COTL1: variants seen among roughly 807,000 people sequenced by gnomAD.
COTL1 encodes coactosin-like protein.
COTL1 carries 15 observed loss-of-function variants against 16.5 expected under a neutral mutation model. The observed-to-expected ratio is 0.91, with a 90% confidence interval of 0.61 to 1.40. COTL1 has a LOEUF of 1.40. Ranked by LOEUF, COTL1 falls within the 40% of genes most tolerant of loss-of-function variation. The pLI is 0.00. For synonymous variants in COTL1, 112 were observed against 85.3 expected (o/e 1.31, Z -1.73); for missense variants, 220 against 201.5 (o/e 1.09, Z -0.56).
At chr16:84,603,182 C>T (rs1905136088) in intron 2 of COTL1, among the ~76,000 whole-genome samples, 2 of 152,206 alleles carry the variant, frequency 1.3e-5, no homozygotes, top group South Asian at 4.1e-4. Context: ...GCCAGTTTTC[C>T]TTCCCCGTGG....
Position 84,566,170 on chromosome 16 carries a change from T to G in COTL1, c.*675A>C, listed in dbSNP as rs537188444. 1 of 152,872 alleles carries G rather than the reference T, an allele frequency of 6.5e-6. No homozygotes were observed. Among genetic ancestry groups the G allele is most frequent in the African/African-American group, 2.4e-5 (1 of 41,596 alleles). 9.5% of individuals were successfully genotyped at this position (152,872 alleles called of 1,614,324 possible). A position where few individuals can be genotyped will look rare whatever the true frequency, so the allele number is the denominator to read the frequency against. ...AGCAAAGCCACTGCCAGGTAAGTTT[T>G]AAGGCAAATTTTATCTCTTCTTATT... On this transcript the variant is annotated 3_prime_UTR_variant, in exon 4 of 4. Coordinates refer to ENST00000262428, the MANE Select transcript of COTL1 (RefSeq NM_021149.5).
chr16:84,604,521 T>C (rs56296371), intron 2 of COTL1, among the ~76,000 whole-genome samples: 32,493 of 151,888 alleles, frequency 0.21, 3,746 homozygotes, highest in East Asian at 0.44. Flanking sequence ...CACTGAGCTC[T>C]CCCAGCACGA....
chr16:84,593,759 A>G (rs1312779492), intron 2 of COTL1, among the ~76,000 whole-genome samples: 1 of 152,128 alleles, frequency 6.6e-6, no homozygotes, highest in Non-Finnish European at 1.5e-5. Flanking sequence ...TCGGCCTCCC[A>G]AAGTGCTGGG....
At chr16:84,578,360 C>G (rs1020741612) in intron 3 of COTL1, among the ~76,000 whole-genome samples, 1 of 152,152 alleles carries the variant, frequency 6.6e-6, no homozygotes, top group Non-Finnish European at 1.5e-5. Flanking sequence ...TTCCATTTTT[C>G]AGCAAAAGTT....
chr16:84,581,935 C>A (rs747790706), intron 3 of COTL1, among the ~76,000 whole-genome samples: 1 of 151,486 alleles, frequency 6.6e-6, no homozygotes, highest in African/African-American at 2.4e-5. Context: ...AAGCTTCTGT[C>A]CTGGTAATAC....
chr16:84,587,450 G>A (rs12051025), intron 3 of COTL1, among the ~76,000 whole-genome samples: 16,345 of 152,142 alleles, frequency 0.11, 1,019 homozygotes, highest in South Asian at 0.25. Flanking sequence ...TAAAATGTTG[G>A]TTGGAACATT....
At chr16:84,607,742 G>C (rs1191743123) in intron 2 of COTL1, among the ~76,000 whole-genome samples, 1 of 152,100 alleles carries the variant, frequency 6.6e-6, no homozygotes, top group Non-Finnish European at 1.5e-5. Context: ...CTGACCTGAA[G>C]GTTAGAAAGC....
At chr16:84,594,185 C>T (rs1904940963) in intron 2 of COTL1, among the ~76,000 whole-genome samples, 1 of 149,384 alleles carries the variant, frequency 6.7e-6, no homozygotes, top group Non-Finnish European at 1.5e-5. Flanking sequence ...AGTTGATAGA[C>T]ATTTGGGATC....
intron 3 of COTL1, among the ~76,000 whole-genome samples, chr16:84,585,045 G>C (rs1374518108): frequency 6.6e-6 from 1 of 152,148 alleles, no homozygotes; most frequent in African/African-American, 2.4e-5. Context: ...TAAAACAAAA[G>C]AAAAGAAAAA....
intron 2 of COTL1, among the ~76,000 whole-genome samples, chr16:84,604,032 G>A (rs1159871448): frequency 3.0e-5 from 2 of 66,444 alleles, no homozygotes; most frequent in Non-Finnish European, 5.9e-5. Flanking sequence ...TACTACCCCC[G>A]CAACTCCCCT....
intron 3 of COTL1, among the ~76,000 whole-genome samples, chr16:84,588,840 T>G (rs966715321): frequency 6.6e-6 from 1 of 152,080 alleles, no homozygotes; most frequent in African/African-American, 2.4e-5. Flanking sequence ...GACAATTTGG[T>G]GATTTCTGGT....
At chr16:84,601,620 C>T (rs1949412500) in intron 2 of COTL1, among the ~76,000 whole-genome samples, 1 of 152,176 alleles carries the variant, frequency 6.6e-6, no homozygotes, top group African/African-American at 2.4e-5. Flanking sequence ...CCACACCCAG[C>T]TAATTTTTGT....
In COTL1 at chr16:84,566,934, T is replaced by C; in HGVS notation, c.340A>G (p.Ile114Val). ...VVQNFAKEFV[I>V]SDRKELEEDF... ...TCCTCCAGCTCCTTCCGATCACTGA[T>C]CACAAACTCCTTAGCGAAATTCTGC... The change falls in exon 4 of 4, where the codon ATC becomes GTC. Residue 114 changes from isoleucine to valine, a missense_variant. Physicochemically the swap from Ile to Val is conservative, Grantham distance 29 (BLOSUM62 3). Coordinates refer to ENST00000262428, the MANE Select transcript of COTL1 (RefSeq NM_021149.5). 4.3e-6 allele frequency: 7 copies of C among 1,613,738 alleles called. No individual in the cohort carries two copies. The highest frequency in any genetic ancestry group is 3.3e-4 in the Middle Eastern group (2 of 6,062).
intron 2 of COTL1, among the ~76,000 whole-genome samples, chr16:84,597,771 A>G (rs1905035687): frequency 6.6e-6 from 1 of 152,112 alleles, no homozygotes; most frequent in South Asian, 2.1e-4. Flanking sequence ...TAAGCAAATG[A>G]CTGCATGAAG....
chr16:84,592,133 AC>A (rs990134361), intron 2 of COTL1, among the ~76,000 whole-genome samples: 1 of 152,104 alleles, frequency 6.6e-6, no homozygotes, highest in Non-Finnish European at 1.5e-5. Flanking sequence ...GGGGCAGAAC[AC>A]CCCCAGTTGA....
intron 2 of COTL1, among the ~76,000 whole-genome samples, chr16:84,606,373 G>T (rs1240788744): frequency 6.6e-6 from 1 of 152,198 alleles, no homozygotes; most frequent in Non-Finnish European, 1.5e-5. Flanking sequence ...CATCTACATG[G>T]ACTGTCACTC....
chr16:84,607,742 G>GGTTA (rs1346079833), intron 2 of COTL1, among the ~76,000 whole-genome samples: 2 of 152,100 alleles, frequency 1.3e-5, no homozygotes, highest in African/African-American at 2.4e-5. Context: ...CTGACCTGAA[G>GGTTA]GTTAGAAAGC....
At chr16:84,599,042 C>T (rs539236792) in intron 2 of COTL1, among the ~76,000 whole-genome samples, 9 of 152,210 alleles carry the variant, frequency 5.9e-5, no homozygotes, top group South Asian at 2.1e-4. Context: ...AAGTTACAAA[C>T]GGCATATGGT....
intron 2 of COTL1, among the ~76,000 whole-genome samples, chr16:84,591,244 C>T (rs555290168): frequency 4.5e-4 from 67 of 148,836 alleles, no homozygotes; most frequent in African/African-American, 1.3e-3. Flanking sequence ...AGTGCAGTGG[C>T]GCGATCTCGA....
Sources: gnomAD v4.1 joint callset for allele counts (sites outside exome capture counted in the v4.1 genomes callset) on GRCh38, gnomAD v4.1.1 for gene constraint, MANE v1.5 for transcripts, NCBI Gene and HGNC (gene_info 2026-07-23, HGNC 2026-07-21) for gene names.